RCAN2: variants seen among roughly 807,000 people sequenced by gnomAD.
The protein encoded by RCAN2 is regulator of calcineurin 2, also known as calcipressin-2.
A neutral mutation model predicts 23.6 loss-of-function variants in RCAN2; 9 were observed. The observed-to-expected ratio is 0.38, with a 90% confidence interval of 0.23 to 0.67. The LOEUF (loss-of-function observed/expected upper bound fraction) is 0.67. RCAN2 is among the 30% of genes least tolerant of loss of function. RCAN2 has a pLI of 0.51. For synonymous variants in RCAN2, 109 were observed against 115.7 expected (o/e 0.94, Z 0.37); for missense variants, 273 against 302.3 (o/e 0.90, Z 0.72).
At chr6:46,390,940 G>T (rs1315776491) in intron 2 of RCAN2, among the ~76,000 whole-genome samples, 1 of 152,200 alleles carries the variant, frequency 6.6e-6, no homozygotes, top group Admixed American at 6.5e-5. Context: ...GCAGCCAAAT[G>T]AGTGGCAGGG....
chr6:46,394,452 AT>A (rs1483452767), intron 2 of RCAN2, among the ~76,000 whole-genome samples: 1 of 152,236 alleles, frequency 6.6e-6, no homozygotes, highest in Non-Finnish European at 1.5e-5. Flanking sequence ...AAATAAAAGC[AT>A]AGAATGCTGT....
intron 2 of RCAN2, among the ~76,000 whole-genome samples, chr6:46,309,244 G>A (rs993281008): frequency 2.0e-5 from 3 of 152,192 alleles, no homozygotes; most frequent in African/African-American, 7.2e-5. Context: ...GATAAGCAAA[G>A]AGAGGCCTGG....
At chr6:46,340,028 A>G (rs1281574643) in intron 2 of RCAN2, among the ~76,000 whole-genome samples, 1 of 152,174 alleles carries the variant, frequency 6.6e-6, no homozygotes, top group African/African-American at 2.4e-5. Flanking sequence ...CCCTTAGCAC[A>G]TTGCCTGCCA....
chr6:46,324,721 T>A (rs1326482034), intron 2 of RCAN2, among the ~76,000 whole-genome samples: 1 of 152,170 alleles, frequency 6.6e-6, no homozygotes, highest in Admixed American at 6.5e-5. Flanking sequence ...CTATGACAAG[T>A]CAACAACTGC....
intron 2 of RCAN2, among the ~76,000 whole-genome samples, chr6:46,291,386 C>T (rs1346430059): frequency 6.7e-6 from 1 of 150,054 alleles, no homozygotes; most frequent in Non-Finnish European, 1.5e-5. Context: ...AGGTATGATG[C>T]TGAGTGACAA....
intron 4 of RCAN2, among the ~76,000 whole-genome samples, chr6:46,230,117 CTG>C (rs1765827288): frequency 6.6e-6 from 1 of 152,184 alleles, no homozygotes. Context: ...GCAAATGTTG[CTG>C]CCTGATCCTT....
chr6:46,301,258 T>C (rs1341419635), intron 2 of RCAN2, among the ~76,000 whole-genome samples: 1 of 152,100 alleles, frequency 6.6e-6, no homozygotes. Context: ...ATGCCTCTTA[T>C]TCACTCTGGT....
chr6:46,343,856 C>G (rs1382980446), intron 2 of RCAN2, among the ~76,000 whole-genome samples: 1 of 152,108 alleles, frequency 6.6e-6, no homozygotes, highest in Admixed American at 6.6e-5. Flanking sequence ...TATGAATGCT[C>G]TCCAACTGGT....
intron 2 of RCAN2, among the ~76,000 whole-genome samples, chr6:46,401,994 A>G (rs1048576250): frequency 1.3e-5 from 2 of 152,272 alleles, no homozygotes; most frequent in Non-Finnish European, 2.9e-5. Flanking sequence ...GCAGGTCAGC[A>G]GGAAAAACAC....
At position 46,469,260 on chromosome 6, in the gene RCAN2, G is replaced by A. The variant is rs188461910; in HGVS notation, c.-2-12282C>T. 2.4e-4 allele frequency among the ~76,000 whole-genome samples: 36 copies of A among 152,236 alleles called. No individual in the cohort carries two copies. The East Asian group carries it at 3.3e-3, about 14-fold the overall frequency. Reference sequence around the variant, plus strand: ...AGAGAGTCACAATTCAAGATGATCCGTAATTAATCTCCCACTTCTAGTGCC... The same window carrying A: ...AGAGAGTCACAATTCAAGATGATCCATAATTAATCTCCCACTTCTAGTGCC... On this transcript the variant is annotated intron_variant, in intron 1 of 4. Transcript: ENST00000371374.
intron 2 of RCAN2, among the ~76,000 whole-genome samples, chr6:46,366,414 G>A (rs775887543): frequency 1.3e-5 from 2 of 152,042 alleles, no homozygotes; most frequent in South Asian, 2.1e-4. Context: ...AAAGATCACT[G>A]GCCATACTCT....
intron 2 of RCAN2, among the ~76,000 whole-genome samples, chr6:46,436,227 C>T (rs1269870432): frequency 6.6e-6 from 1 of 152,182 alleles, no homozygotes; most frequent in Admixed American, 6.5e-5. Flanking sequence ...GTTTCTTTTT[C>T]TTGAGATGGA....
At chr6:46,362,291 T>C (rs1765040721) in intron 2 of RCAN2, among the ~76,000 whole-genome samples, 1 of 152,132 alleles carries the variant, frequency 6.6e-6, no homozygotes, top group South Asian at 2.1e-4. Flanking sequence ...ACAGTTTGGA[T>C]GTCGTTTAAG....
intron 2 of RCAN2, among the ~76,000 whole-genome samples, chr6:46,426,764 T>A (rs1767043991): frequency 6.6e-6 from 1 of 152,190 alleles, no homozygotes; most frequent in Non-Finnish European, 1.5e-5. Context: ...AACTGTGCTG[T>A]GAAAAGCCCA....
intron 2 of RCAN2, among the ~76,000 whole-genome samples, chr6:46,347,316 G>A (rs1353769932): frequency 6.6e-6 from 1 of 152,160 alleles, no homozygotes; most frequent in Non-Finnish European, 1.5e-5. Flanking sequence ...CCTCCTGGGT[G>A]GACACATGTA....
At chr6:46,265,342 C>T (rs1464999982) in intron 2 of RCAN2, among the ~76,000 whole-genome samples, 1 of 152,064 alleles carries the variant, frequency 6.6e-6, no homozygotes, top group East Asian at 1.9e-4. Context: ...TGAATATAGG[C>T]ATCGTTCAGT....
intron 2 of RCAN2, among the ~76,000 whole-genome samples, chr6:46,386,337 A>T (rs1368889663): frequency 2.0e-5 from 3 of 151,804 alleles, no homozygotes; most frequent in Non-Finnish European, 4.4e-5. Context: ...GGTGGCTCAC[A>T]CCTGTAATCC....
chr6:46,356,789 C>T (rs765409190), intron 2 of RCAN2, among the ~76,000 whole-genome samples: 3 of 152,248 alleles, frequency 2.0e-5, no homozygotes, highest in Admixed American at 6.5e-5. Context: ...TGAACACTTA[C>T]GGAGGAACAC....
chr6:46,420,023 C>A (rs934698482), intron 2 of RCAN2, among the ~76,000 whole-genome samples: 8 of 152,096 alleles, frequency 5.3e-5, no homozygotes, highest in African/African-American at 1.9e-4. Flanking sequence ...ATTTCAAATT[C>A]TCGCAGACAA....
Sources: allele counts gnomAD v4.1 joint callset (sites outside exome capture counted in the v4.1 genomes callset), GRCh38; gene constraint gnomAD v4.1.1; transcripts MANE v1.5; gene names NCBI Gene and HGNC (gene_info 2026-07-23, HGNC 2026-07-21).